Variants in CPLANE1 observed in about 807,000 individuals in gnomAD.
CPLANE1 encodes ciliogenesis and planar polarity effector 1.
A neutral mutation model predicts 362.5 loss-of-function variants in CPLANE1; 263 were observed. That is an observed-to-expected ratio of 0.73 (90% CI 0.66 to 0.80). The LOEUF (loss-of-function observed/expected upper bound fraction) is 0.80, where lower values mean the gene tolerates loss of function less well. Ranked by LOEUF, CPLANE1 falls within the 30% of genes least tolerant of loss-of-function variation. CPLANE1 has a pLI of 0.00. For missense variants in CPLANE1, 3,461 were observed against 3,793.4 expected (o/e 0.91, Z 2.30); for synonymous variants, 1,212 against 1,302.6 (o/e 0.93, Z 1.50).
intron 52 of CPLANE1, 35 bp from the exon 53 acceptor site, chr5:37,107,813 C>T (rs1192769798): frequency 6.6e-7 from 1 of 1,505,240 alleles, no homozygotes; most frequent in Non-Finnish European, 8.9e-7. Context: ...GGTCCTAGCC[C>T]CTAAAAACAA....
intron 46 of CPLANE1, among the ~76,000 whole-genome samples, chr5:37,129,772 G>C (rs1463230630): frequency 6.6e-6 from 1 of 152,138 alleles, no homozygotes; most frequent in African/African-American, 2.4e-5. Flanking sequence ...CGGTTAAAAG[G>C]GAACATTTTT....
At chr5:37,113,245 G>A (rs1473344440) in intron 51 of CPLANE1, among the ~76,000 whole-genome samples, 2 of 152,166 alleles carry the variant, frequency 1.3e-5, no homozygotes, top group Non-Finnish European at 2.9e-5. Flanking sequence ...TTGAATCATG[G>A]GGGCAGTTAC....
the CPLANE1 span, chr5:37,085,593 G>T: frequency 7.9e-6 from 7 of 884,266 alleles, no homozygotes. Flanking sequence ...TGGTACACTG[G>T]TAACCTGTGT....
At chr5:37,096,487 T>C in the CPLANE1 span, among the ~76,000 whole-genome samples, 22,607 of 152,132 alleles carry the variant, frequency 0.15, 1,968 homozygotes, top group African/African-American at 0.23. Flanking sequence ...CTTCTAGAGA[T>C]TGGCTTATGT....
chr5:37,089,610 C>T, the CPLANE1 span, among the ~76,000 whole-genome samples: 4 of 152,174 alleles, frequency 2.6e-5, no homozygotes, highest in South Asian at 2.1e-4. Context: ...GCATGACCTA[C>T]GTGCTATTAA....
intron 16 of CPLANE1, chr5:37,211,015 C>T (rs1792443172): frequency 3.8e-6 from 3 of 797,210 alleles, no homozygotes; most frequent in Admixed American, 3.4e-5. Context: ...CAAACTCAGA[C>T]AGCCCTAGAG....
intron 31 of CPLANE1, among the ~76,000 whole-genome samples, chr5:37,175,677 A>T (rs1780972838): frequency 6.6e-6 from 1 of 152,220 alleles, no homozygotes; most frequent in Admixed American, 6.5e-5. Context: ...AGACTGTTCA[A>T]CATAGTTCCT....
At chr5:37,094,267 C>T in the CPLANE1 span, among the ~76,000 whole-genome samples, 3 of 152,176 alleles carry the variant, frequency 2.0e-5, no homozygotes, top group Non-Finnish European at 4.4e-5. Flanking sequence ...CAGGCCCCCA[C>T]AGAAATCAAC....
rs1396778803 is a variant in CPLANE1 at position 37,125,334 on chromosome 5, T to A, written c.8868A>T (p.Arg2956Ser). ...ERREIQAWMK[R>S]KRKERMAKYL... ...ACTTTGCCATTCTTTCTTTTCGTTT[T>A]CTTTTCATCCAGGCTTGAATCTCTC... Residue 2956 changes from arginine to serine, a missense_variant, in exon 47 of 53, where the codon AGA (arginine) becomes AGT (serine). Coordinates refer to ENST00000651892, the MANE Select transcript of CPLANE1 (RefSeq NM_001384732.1). 1 of 1,614,092 alleles carries A rather than the reference T, an allele frequency of 6.2e-7. No individual in the cohort carries two copies. Among genetic ancestry groups the A allele is most frequent in the Non-Finnish European group, 8.5e-7 (1 of 1,179,976 alleles).
At chr5:37,135,296 T>C (rs990461212) in intron 46 of CPLANE1, among the ~76,000 whole-genome samples, 1 of 152,242 alleles carries the variant, frequency 6.6e-6, no homozygotes, top group Non-Finnish European at 1.5e-5. Context: ...TCTATTTTTA[T>C]GCTTCTATGA....
intron 41 of CPLANE1, 98 bp downstream of exon 41, chr5:37,157,215 C>A: frequency 1.8e-6 from 1 of 550,662 alleles, no homozygotes; most frequent in Non-Finnish European, 3.1e-6. Context: ...AGGGACAACC[C>A]TTTTTCTGGT....
chr5:37,206,554 G>A, intron 16 of CPLANE1, 129 bp from the exon 17 acceptor site: 2 of 637,204 alleles, frequency 3.1e-6, no homozygotes, highest in Middle Eastern at 4.3e-4. Flanking sequence ...TACAAAATGG[G>A]CTAAAGTAAT....
chr5:37,199,339 A>G (rs968553263), intron 19 of CPLANE1, among the ~76,000 whole-genome samples: 4 of 152,132 alleles, frequency 2.6e-5, no homozygotes, highest in Admixed American at 6.6e-5. Context: ...GTGGGATGTT[A>G]CAGAGAGGTC....
At chr5:37,199,563 G>A (rs1007565689) in intron 19 of CPLANE1, among the ~76,000 whole-genome samples, 6 of 152,142 alleles carry the variant, frequency 3.9e-5, no homozygotes, top group African/African-American at 7.2e-5. Flanking sequence ...ATTTGTCTTC[G>A]TATGGCCACA....
chr5:37,248,691 A>T (rs1398523847), intron 1 of CPLANE1, among the ~76,000 whole-genome samples: 1 of 152,192 alleles, frequency 6.6e-6, no homozygotes, highest in Non-Finnish European at 1.5e-5. Context: ...AATAAAATAA[A>T]TTCTCACAAA....
intron 32 of CPLANE1, among the ~76,000 whole-genome samples, chr5:37,170,682 A>T (rs1779552197): frequency 6.6e-6 from 1 of 152,222 alleles, no homozygotes; most frequent in Admixed American, 6.5e-5. Context: ...TCACGCCTGT[A>T]ATCCCAGCAT....
intron 48 of CPLANE1, 41 bp from the exon 49 acceptor site, chr5:37,121,825 T>C: frequency 6.5e-7 from 1 of 1,544,220 alleles, no homozygotes; most frequent in Non-Finnish European, 8.9e-7. Flanking sequence ...AAGAGTCACT[T>C]TCAGTTCATC....
chr5:37,127,078 A>G (rs1764337798), intron 46 of CPLANE1, among the ~76,000 whole-genome samples: 1 of 152,156 alleles, frequency 6.6e-6, no homozygotes, highest in South Asian at 2.1e-4. Flanking sequence ...TGTTGTCACA[A>G]CTTGTTACTG....
intron 29 of CPLANE1, 126 bp from the exon 30 acceptor site, chr5:37,177,826 T>A: frequency 1.4e-6 from 1 of 718,492 alleles, no homozygotes; most frequent in Non-Finnish European, 2.4e-6. Context: ...AAGTGAGAAA[T>A]CAAACAGTAA....
Sources: gnomAD v4.1 joint callset for allele counts (sites outside exome capture counted in the v4.1 genomes callset) on GRCh38, gnomAD v4.1.1 for gene constraint, MANE v1.5 for transcripts, NCBI Gene and HGNC (gene_info 2026-07-23, HGNC 2026-07-21) for gene names.